The following PFDN4 variants were observed in gnomAD, a reference collection of about 807,000 sequenced individuals.
PFDN4 encodes prefoldin subunit 4.
PFDN4 carries 6 observed loss-of-function variants against 17.6 expected under a neutral mutation model. The ratio of observed to expected loss-of-function variants is 0.34; its 90% confidence interval spans 0.19 to 0.67. PFDN4 has a LOEUF of 0.67. PFDN4 is among the 30% of genes least tolerant of loss of function. The pLI is 0.68. For missense variants in PFDN4, 119 were observed against 158.4 expected, an observed-to-expected ratio of 0.75 and a Z score of 1.33; for synonymous variants, 48 against 51.1, an observed-to-expected ratio of 0.94 and a Z score of 0.26.
intron 3 of PFDN4, among the ~76,000 whole-genome samples, chr20:54,217,321 T>C (rs1181995529): frequency 2.6e-5 from 4 of 151,958 alleles, no homozygotes; most frequent in Admixed American, 6.6e-5. Flanking sequence ...AGAAGCAACA[T>C]GTGTGAACGG....
rs1489606952 is a variant in PFDN4 at position 54,215,351 on chromosome 20, G to A, written c.184G>A (p.Asp62Asn). 1.2e-6 allele frequency: 2 copies of A among 1,604,442 alleles called. No individual in the cohort carries two copies. The highest frequency in any genetic ancestry group is 1.3e-5 in the African/African-American group (1 of 74,904). ...DACDDIMLAD[D>N]DCLMIPYQIG... ...TTGTGATGACATCATGCTTGCAGAT[G>A]ATGATTGCTTAATGATACCTTATCA... The change falls in exon 3 of 4, where the codon GAT becomes AAT. Residue 62 changes from aspartate (D) to asparagine (N), a missense_variant. Physicochemically the swap from Asp to Asn is conservative, Grantham distance 23 (BLOSUM62 1). Transcript: ENST00000371419.
chr20:54,213,111 A>T (rs1013443245), intron 1 of PFDN4, among the ~76,000 whole-genome samples: 1 of 152,256 alleles, frequency 6.6e-6, no homozygotes, highest in Non-Finnish European at 1.5e-5. Flanking sequence ...GTCGATGGTC[A>T]TGAGAGACCA....
At chr20:54,216,469 C>T (rs1334524072) in intron 3 of PFDN4, among the ~76,000 whole-genome samples, 3 of 152,092 alleles carry the variant, frequency 2.0e-5, no homozygotes, top group Admixed American at 6.5e-5. Flanking sequence ...TCTTATATGT[C>T]TCCCTTATGT....
chr20:54,209,897 C>T (rs1011454296), intron 1 of PFDN4, among the ~76,000 whole-genome samples: 6 of 152,118 alleles, frequency 3.9e-5, no homozygotes, highest in Non-Finnish European at 7.3e-5. Flanking sequence ...CCCCAAAGAA[C>T]GTATGTTCCA....
chr20:54,218,936 A>G (rs2092766183), intron 3 of PFDN4, 83 bp from the exon 4 acceptor site: 3 of 924,150 alleles, frequency 3.2e-6, no homozygotes, highest in Non-Finnish European at 4.8e-6. Context: ...TTGACCTAAA[A>G]TTCTTCCCAA....
intron 3 of PFDN4, among the ~76,000 whole-genome samples, chr20:54,217,754 C>G (rs1181311221): frequency 6.6e-6 from 1 of 152,034 alleles, no homozygotes; most frequent in Non-Finnish European, 1.5e-5. Flanking sequence ...ACTTATTAAC[C>G]AGGTTTTCTC....
At chr20:54,213,119 C>T (rs886177293) in intron 1 of PFDN4, among the ~76,000 whole-genome samples, 3 of 152,174 alleles carry the variant, frequency 2.0e-5, no homozygotes, top group Non-Finnish European at 4.4e-5. Flanking sequence ...TCATGAGAGA[C>T]CAGGTCAGGG....
intron 1 of PFDN4, chr20:54,208,437 C>T (rs1432321992): frequency 1.1e-5 from 4 of 362,946 alleles, no homozygotes; most frequent in Non-Finnish European, 2.0e-5. Flanking sequence ...CGGCCTCGCC[C>T]CTGAGGTGTG....
intron 3 of PFDN4, among the ~76,000 whole-genome samples, chr20:54,217,944 G>C (rs1387178249): frequency 6.6e-6 from 1 of 152,138 alleles, no homozygotes; most frequent in African/African-American, 2.4e-5. Context: ...GCTGAGGTAG[G>C]GCCCCAGAAT....
intron 1 of PFDN4, among the ~76,000 whole-genome samples, chr20:54,211,072 A>G (rs537137831): frequency 7.2e-4 from 110 of 152,330 alleles, no homozygotes; most frequent in Middle Eastern, 6.8e-3. Context: ...CGATAGAGCA[A>G]GACTCGTCTC....
chr20:54,217,748 A>G (rs2092764519), intron 3 of PFDN4, among the ~76,000 whole-genome samples: 1 of 152,170 alleles, frequency 6.6e-6, no homozygotes, highest in African/African-American at 2.4e-5. Context: ...TATTTTACTT[A>G]TTAACCAGGT....
chr20:54,208,396 G>C (rs2092751004), intron 1 of PFDN4: 2 of 416,830 alleles, frequency 4.8e-6, no homozygotes, highest in Non-Finnish European at 8.4e-6. Flanking sequence ...TGCCGAGGGT[G>C]CCCCCGGGGA....
intron 3 of PFDN4, among the ~76,000 whole-genome samples, chr20:54,216,012 A>ATG (rs1163071815): frequency 3.9e-5 from 6 of 152,192 alleles, no homozygotes; most frequent in Admixed American, 3.3e-4. Flanking sequence ...GTTTAATATC[A>ATG]TGTTGATGGT....
chr20:54,215,348 G>C lies in PFDN4; in HGVS notation c.181G>C (p.Asp61His), dbSNP rs148299643. 5 of 1,602,988 alleles carry C rather than the reference G, an allele frequency of 3.1e-6. No homozygotes were observed. Among genetic ancestry groups the C allele is most frequent in the Non-Finnish European group, 4.3e-6 (5 of 1,171,952 alleles). Residue 61 changes from aspartate to histidine, a missense_variant, in exon 3 of 4, where the codon GAT becomes CAT. Asp to His is a moderately conservative substitution (Grantham distance 81). Around this residue, in one of 3 missense-constraint regions of PFDN4, gnomAD observed 81 missense variants for 111.7 expected, o/e 0.73. Transcript: ENST00000371419. ...EDACDDIMLA[D>H]DDCLMIPYQI... ...TGCTTGTGATGACATCATGCTTGCA[G>C]ATGATGATTGCTTAATGATACCTTA...
chr20:54,210,888 A>C (rs2092754910), intron 1 of PFDN4, among the ~76,000 whole-genome samples: 2 of 152,244 alleles, frequency 1.3e-5, no homozygotes, highest in Non-Finnish European at 2.9e-5. Flanking sequence ...TATAGGAAAC[A>C]GTAATTGTTA....
chr20:54,211,535 A>G lies in PFDN4; in HGVS notation c.25-2816A>G, dbSNP rs11905789. Among the ~76,000 whole-genome samples the G allele has an allele frequency of 2.9e-3, 438 of 152,318 alleles. 3 individuals are homozygous for G. The highest frequency in any genetic ancestry group is 0.01 in the African/African-American group (419 of 41,566). On this transcript the variant is annotated intron_variant, in intron 1 of 3. Transcript: ENST00000371419. ...TTATCAACCCTATAAGGTAGGAACT[A>G]GCCTCTCCATTTTACAGATGAGAAA... is the stretch of plus-strand genomic sequence containing the variant.
At chr20:54,215,876 C>A (rs1011757622) in intron 3 of PFDN4, among the ~76,000 whole-genome samples, 1 of 152,180 alleles carries the variant, frequency 6.6e-6, no homozygotes, top group African/African-American at 2.4e-5. Context: ...CCAGTTGGGA[C>A]AATTAATGTT....
intron 1 of PFDN4, chr20:54,208,514 AG>A (rs1188170319): frequency 4.8e-6 from 1 of 208,274 alleles, no homozygotes; most frequent in Non-Finnish European, 9.5e-6. Flanking sequence ...TGATCGCATT[AG>A]CCTCACTGGT....
rs375239435 is a variant in PFDN4 at position 54,217,356 on chromosome 20, A to G, written c.274-1663A>G. ...GCCATAGGATGACGGTGGTGCAAACATAGACCTGCAAGAAGATGTATTTGC... is the reference window on the plus strand; with the variant it reads ...GCCATAGGATGACGGTGGTGCAAACGTAGACCTGCAAGAAGATGTATTTGC... On this transcript the variant is annotated intron_variant, in intron 3 of 3. Coordinates refer to ENST00000371419, the MANE Select transcript of PFDN4 (RefSeq NM_002623.4). Among the ~76,000 whole-genome samples the G allele has an allele frequency of 9.8e-5, 15 of 152,332 alleles. No individual in the cohort carries two copies. In the South Asian group the frequency reaches 2.9e-3, roughly 29 times the overall value.
Sources: allele counts gnomAD v4.1 joint callset (sites outside exome capture counted in the v4.1 genomes callset), GRCh38; gene constraint gnomAD v4.1.1; regional missense constraint gnomAD v4.1.1; transcripts MANE v1.5; gene names NCBI Gene and HGNC (gene_info 2026-07-23, HGNC 2026-07-21).